Variants in RCAN2 observed in about 807,000 individuals in gnomAD.
RCAN2 encodes the protein calcipressin-2.
Under a neutral mutation model 23.6 loss-of-function variants are expected in RCAN2, and 9 were observed. The ratio of observed to expected loss-of-function variants is 0.38; its 90% confidence interval spans 0.23 to 0.67. The LOEUF is 0.67. Ranked by LOEUF, RCAN2 falls within the 30% of genes least tolerant of loss-of-function variation. The pLI is 0.51. For missense variants in RCAN2, 273 were observed against 302.3 expected (o/e 0.90, Z 0.72); for synonymous variants, 109 against 115.7 (o/e 0.94, Z 0.37).
rs762320278 is a variant in RCAN2, at chr6:46,223,091, A to G, written c.*50T>C. Reference sequence around the variant, plus strand: ...ATTTTTTTTGACAAACAACAGGGGGAAAAAGCATGATAAAGAGGAGACGGC... The same window carrying G: ...ATTTTTTTTGACAAACAACAGGGGGGAAAAGCATGATAAAGAGGAGACGGC... On this transcript the variant is annotated 3_prime_UTR_variant, in exon 5 of 5. Coordinates refer to ENST00000371374, the MANE Select transcript of RCAN2 (RefSeq NM_001251974.2). 2.1e-5 allele frequency: 33 copies of G among 1,584,766 alleles called. No individual in the cohort carries two copies. Among genetic ancestry groups the G allele is most frequent in the Non-Finnish European group, 2.7e-5 (32 of 1,164,044 alleles).
At chr6:46,296,665 C>T (rs1254670909) in intron 2 of RCAN2, among the ~76,000 whole-genome samples, 1 of 151,990 alleles carries the variant, frequency 6.6e-6, no homozygotes, top group Non-Finnish European at 1.5e-5. Context: ...TTATATGATA[C>T]CCAGAGGCCA....
chr6:46,310,697 C>CA (rs1462294386), intron 2 of RCAN2, among the ~76,000 whole-genome samples: 1 of 152,106 alleles, frequency 6.6e-6, no homozygotes, highest in African/African-American at 2.4e-5. Context: ...CCAAATGAAG[C>CA]AACTGATATC....
chr6:46,458,875 T>C (rs1365074708), intron 1 of RCAN2, among the ~76,000 whole-genome samples: 1 of 147,414 alleles, frequency 6.8e-6, no homozygotes, highest in Non-Finnish European at 1.5e-5. Context: ...CATTAATAGT[T>C]TACAGGAAAA....
Position 46,465,827 on chromosome 6 carries a change from C to T in RCAN2, c.-2-8849G>A, listed in dbSNP as rs376356613. 2.6e-5 allele frequency among the ~76,000 whole-genome samples: 4 copies of T among 152,322 alleles called. No individual in the cohort carries two copies. In the South Asian group the frequency reaches 6.2e-4, roughly 24 times the overall value. Reference sequence around the variant, plus strand: ...ACTCTCTGGGATCAAGTAAAGATAACAAGCACACCCTTCATAAATGGGTAG... The same window carrying T: ...ACTCTCTGGGATCAAGTAAAGATAATAAGCACACCCTTCATAAATGGGTAG... On this transcript the variant is annotated intron_variant, in intron 1 of 4. Transcript: ENST00000371374.
chr6:46,450,595 A>G (rs1767846266), intron 2 of RCAN2, among the ~76,000 whole-genome samples: 1 of 152,098 alleles, frequency 6.6e-6, no homozygotes, highest in South Asian at 2.1e-4. Flanking sequence ...TATATGAAAT[A>G]CCAGTCAGCC....
At chr6:46,295,453 GAAC>G (rs1427971484) in intron 2 of RCAN2, among the ~76,000 whole-genome samples, 2 of 152,214 alleles carry the variant, frequency 1.3e-5, no homozygotes, top group Non-Finnish European at 2.9e-5. Context: ...GAGAACAGAA[GAAC>G]ACCAGAAAAG....
intron 2 of RCAN2, among the ~76,000 whole-genome samples, chr6:46,332,914 C>T (rs1764027148): frequency 6.6e-6 from 1 of 152,224 alleles, no homozygotes; most frequent in African/African-American, 2.4e-5. Context: ...AACTAGTTTA[C>T]AGTTCCAACA....
chr6:46,398,249 C>A (rs1309273648), intron 2 of RCAN2, among the ~76,000 whole-genome samples: 1 of 152,002 alleles, frequency 6.6e-6, no homozygotes, highest in African/African-American at 2.4e-5. Context: ...TGTTTTTCTT[C>A]TTTTGACATC....
chr6:46,267,026 C>T (rs771460025), intron 2 of RCAN2, among the ~76,000 whole-genome samples: 14 of 151,724 alleles, frequency 9.2e-5, no homozygotes, highest in Admixed American at 7.2e-4. Context: ...AACAAACAAA[C>T]AAAAAAACAG....
intron 4 of RCAN2, among the ~76,000 whole-genome samples, chr6:46,243,988 G>A (rs1766419396): frequency 6.6e-6 from 1 of 152,102 alleles, no homozygotes; most frequent in Non-Finnish European, 1.5e-5. Context: ...AAGCGCCAGG[G>A]TTTGAAATCT....
chr6:46,302,142 G>C (rs370887255), intron 2 of RCAN2, among the ~76,000 whole-genome samples: 1 of 151,972 alleles, frequency 6.6e-6, no homozygotes, highest in East Asian at 1.9e-4. Flanking sequence ...GAAATCAATA[G>C]GACTTGCTGA....
chr6:46,290,753 C>A (rs995984558), intron 2 of RCAN2, among the ~76,000 whole-genome samples: 3 of 152,116 alleles, frequency 2.0e-5, no homozygotes, highest in Admixed American at 6.5e-5. Flanking sequence ...TGACTAAAAC[C>A]GTGAAGACGG....
At chr6:46,447,203 G>T (rs938021237) in intron 2 of RCAN2, among the ~76,000 whole-genome samples, 7 of 151,802 alleles carry the variant, frequency 4.6e-5, no homozygotes, top group African/African-American at 1.7e-4. Flanking sequence ...AGATAAAATA[G>T]AATTTATATT....
chr6:46,226,481 T>G (rs1441607809), intron 4 of RCAN2, among the ~76,000 whole-genome samples: 1 of 152,360 alleles, frequency 6.6e-6, no homozygotes, highest in East Asian at 1.9e-4. Context: ...TTTGTAGTTC[T>G]TCTTGAAGAG....
Position 46,372,719 on chromosome 6 carries a change from C to G in RCAN2, c.225+84033G>C, listed in dbSNP as rs144197356. 4.3e-3 allele frequency among the ~76,000 whole-genome samples: 648 copies of G among 152,312 alleles called. 5 individuals are homozygous for G. The highest frequency in any genetic ancestry group is 7.0e-3 in the Non-Finnish European group (474 of 68,032). ...TGAAAAATGATGCAAAGGATTTGGT[C>G]TAGTCACACCTATAAGAGAAGTCCT... On this transcript the variant is annotated intron_variant, in intron 2 of 4. Transcript: ENST00000371374.
chr6:46,352,720 G>A (rs1409380792), intron 2 of RCAN2, among the ~76,000 whole-genome samples: 1 of 152,202 alleles, frequency 6.6e-6, no homozygotes, highest in African/African-American at 2.4e-5. Flanking sequence ...CCAGAAACAG[G>A]AAGTTGTCAG....
At chr6:46,415,140 G>A (rs11753993) in intron 2 of RCAN2, among the ~76,000 whole-genome samples, 1,541 of 152,316 alleles carry the variant, frequency 0.01, 9 homozygotes, top group Non-Finnish European at 0.018. Flanking sequence ...GCTACCATTA[G>A]GAAGGTGACC....
At chr6:46,319,935 G>C (rs1561857491) in intron 2 of RCAN2, among the ~76,000 whole-genome samples, 1 of 152,088 alleles carries the variant, frequency 6.6e-6, no homozygotes, top group Non-Finnish European at 1.5e-5. Context: ...ATGGTCTAGA[G>C]ATGTATGACA....
intron 3 of RCAN2, among the ~76,000 whole-genome samples, chr6:46,248,378 G>A (rs771470287): frequency 5.9e-5 from 9 of 152,048 alleles, no homozygotes; most frequent in African/African-American, 1.7e-4. Flanking sequence ...AACTACTAGC[G>A]GGCATTTATT....
Sources: gnomAD v4.1 joint callset for allele counts (sites outside exome capture counted in the v4.1 genomes callset) on GRCh38, gnomAD v4.1.1 for gene constraint, MANE v1.5 for transcripts, NCBI Gene and HGNC (gene_info 2026-07-23, HGNC 2026-07-21) for gene names.